Variants in PPP6C observed in about 807,000 individuals in gnomAD.
PPP6C encodes the protein serine/threonine-protein phosphatase 6 catalytic subunit.
In PPP6C, 11 loss-of-function variants were observed where a neutral mutation model predicts 39.8. That is an observed-to-expected ratio of 0.28 (90% confidence interval 0.17 to 0.46). PPP6C has a LOEUF of 0.46. PPP6C is among the 20% of genes least tolerant of loss of function. The pLI, the probability that PPP6C is intolerant of heterozygous loss-of-function variation, is 1.00. For missense variants in PPP6C, 211 were observed against 373.9 expected (o/e 0.56, Z 3.59); for synonymous variants, 129 against 130.3 (o/e 0.99, Z 0.07).
At position 125,148,280 on chromosome 9, in the gene PPP6C, T is replaced by C. The variant is rs1388488949; in HGVS notation, c.*1393A>G. On this transcript the variant is annotated 3_prime_UTR_variant, in exon 7 of 7. Transcript: ENST00000373547. ...TTTATTAATTGGCTGGCTTCACAAG[T>C]ATTTCCTGGAATAACAAAAATTAAT... 1.3e-5 allele frequency: 2 copies of C among 152,276 alleles called. No homozygotes were observed. Among genetic ancestry groups the C allele is most frequent in the Admixed American group, 1.3e-4 (2 of 15,284 alleles). 9.4% of individuals were successfully genotyped at this position (152,276 alleles called of 1,614,324 possible).
intron 1 of PPP6C, chr9:125,189,000 T>C (rs192292111): frequency 1.5e-6 from 2 of 1,351,018 alleles, no homozygotes; most frequent in East Asian, 5.1e-5. Flanking sequence ...GAGAACCAAC[T>C]ACTTTATCCA....
intron 2 of PPP6C, among the ~76,000 whole-genome samples, chr9:125,169,177 T>C (rs1385564304): frequency 6.6e-6 from 1 of 152,240 alleles, no homozygotes; most frequent in Non-Finnish European, 1.5e-5. Context: ...TGCCCTGTAG[T>C]AGCTGTGTGT....
At chr9:125,156,850 T>C (rs1267993509) in intron 4 of PPP6C, among the ~76,000 whole-genome samples, 1 of 151,846 alleles carries the variant, frequency 6.6e-6, no homozygotes, top group African/African-American at 2.4e-5. Flanking sequence ...TCTGGCTCAG[T>C]TGCCCAGGCT....
rs763588536 is a variant in PPP6C, at chr9:125,158,326, T to C, written c.294A>G (p.Ala98=). 6 of 1,612,782 alleles carry C rather than the reference T, an allele frequency of 3.7e-6. No individual in the cohort carries two copies. Among genetic ancestry groups the C allele is most frequent in the Non-Finnish European group, 5.1e-6 (6 of 1,178,818 alleles). ...TACGATCAGGCCATTTAGCCTTTAA[T>C]GCAAGAAGGTAAGTGAAGGTCTCCA... ...YSLETFTYLL[A]LKAKWPDRIT... Residue 98 remains alanine (A), a synonymous_variant, in exon 4 of 7, where the codon GCA becomes GCG. Transcript: ENST00000373547.
chr9:125,152,114 G>A (rs9644949), intron 6 of PPP6C, among the ~76,000 whole-genome samples: 1,945 of 152,160 alleles, frequency 0.013, 102 homozygotes, highest in Admixed American at 0.082. Flanking sequence ...TGGGGTAGGG[G>A]GTGGGGGGTG....
At position 125,148,152 on chromosome 9, in the gene PPP6C, T is replaced by C. The variant is rs1452397103; in HGVS notation, c.*1521A>G. 1 of 183,622 alleles carries C rather than the reference T, an allele frequency of 5.4e-6. No individual in the cohort carries two copies. Among genetic ancestry groups the C allele is most frequent in the African/African-American group, 2.4e-5 (1 of 41,570 alleles). 11.4% of individuals were successfully genotyped at this position (183,622 alleles called of 1,614,324 possible). A position where few individuals can be genotyped will look rare whatever the true frequency, so the allele number is the denominator to read the frequency against. On this transcript the variant is annotated 3_prime_UTR_variant, in exon 7 of 7. Transcript: ENST00000373547. ...GATGAAAAATTATATGCCAAGAAGCTTAGACTATAAAGATTTTTATTGCAT... is the reference window on the plus strand; with the variant it reads ...GATGAAAAATTATATGCCAAGAAGCCTAGACTATAAAGATTTTTATTGCAT...
chr9:125,186,777 T>A (rs1231993478), intron 1 of PPP6C, among the ~76,000 whole-genome samples: 1 of 151,256 alleles, frequency 6.6e-6, no homozygotes, highest in Non-Finnish European at 1.5e-5. Context: ...AGATTAAAAA[T>A]TTTTTTAAGA....
chr9:125,155,582 A>G (rs1407108938), intron 4 of PPP6C, among the ~76,000 whole-genome samples: 3 of 152,196 alleles, frequency 2.0e-5, no homozygotes, highest in Non-Finnish European at 4.4e-5. Flanking sequence ...TATAAGTCCT[A>G]TAATAACTAA....
chr9:125,170,460 A>T (rs1258721306), intron 2 of PPP6C, among the ~76,000 whole-genome samples: 2 of 151,966 alleles, frequency 1.3e-5, no homozygotes, highest in African/African-American at 4.8e-5. Flanking sequence ...GCTGGTCTCA[A>T]ACTCCTGACC....
At chr9:125,189,611 G>A (rs761762907) in intron 1 of PPP6C, 33 bp downstream of exon 1, 1 of 1,611,446 alleles carries the variant, frequency 6.2e-7, no homozygotes, top group South Asian at 1.1e-5. Context: ...GCGCCCCACA[G>A]CCGGAAGGGG....
At chr9:125,163,789 G>A (rs1388134440) in intron 2 of PPP6C, among the ~76,000 whole-genome samples, 4 of 151,646 alleles carry the variant, frequency 2.6e-5, no homozygotes, top group East Asian at 1.9e-4. Flanking sequence ...ACAGGTAGAC[G>A]ATTAAATATT....
At chr9:125,162,089 A>AT (rs1828888653) in intron 2 of PPP6C, among the ~76,000 whole-genome samples, 1 of 150,762 alleles carries the variant, frequency 6.6e-6, no homozygotes. Flanking sequence ...AAAAAGTCAG[A>AT]CAAAAAAAAA....
intron 2 of PPP6C, 29 bp downstream of exon 2, chr9:125,171,056 A>C: frequency 2.7e-6 from 4 of 1,471,480 alleles, no homozygotes; most frequent in Non-Finnish European, 3.7e-6. Context: ...GACAGTACAA[A>C]ACTTAAAAAT....
At chr9:125,176,856 T>A (rs1248839938) in intron 1 of PPP6C, among the ~76,000 whole-genome samples, 1 of 152,252 alleles carries the variant, frequency 6.6e-6, no homozygotes, top group African/African-American at 2.4e-5. Context: ...GAATGTAGCA[T>A]CTGCTAGATT....
chr9:125,176,337 T>C (rs1481912281), intron 1 of PPP6C, among the ~76,000 whole-genome samples: 1 of 152,162 alleles, frequency 6.6e-6, no homozygotes, highest in African/African-American at 2.4e-5. Flanking sequence ...AGCAGAAGAC[T>C]GACATGATAT....
intron 6 of PPP6C, among the ~76,000 whole-genome samples, chr9:125,152,751 A>G (rs922578004): frequency 4.6e-5 from 7 of 151,784 alleles, no homozygotes; most frequent in African/African-American, 1.5e-4. Context: ...AATCGCTTGA[A>G]TCCAGGAGGC....
At chr9:125,159,107 T>C (rs142827974) in intron 3 of PPP6C, among the ~76,000 whole-genome samples, 379 of 150,980 alleles carry the variant, frequency 2.5e-3, no homozygotes, top group Non-Finnish European at 4.3e-3. Flanking sequence ...GGCGTGATCT[T>C]GGCTCACTGC....
chr9:125,170,954 G>A (rs956390510), intron 2 of PPP6C, 131 bp downstream of exon 2: 4 of 539,858 alleles, frequency 7.4e-6, no homozygotes, highest in African/African-American at 3.9e-5. Flanking sequence ...GTGTCACAGA[G>A]ACTGAGGCAA....
intron 1 of PPP6C, among the ~76,000 whole-genome samples, chr9:125,188,242 A>G (rs904129828): frequency 2.0e-5 from 3 of 151,826 alleles, no homozygotes; most frequent in Non-Finnish European, 4.4e-5. Flanking sequence ...AAAATTAGCC[A>G]GGCGTGGTGG....
Sources: allele counts gnomAD v4.1 joint callset (sites outside exome capture counted in the v4.1 genomes callset), GRCh38; gene constraint gnomAD v4.1.1; transcripts MANE v1.5; gene names NCBI Gene and HGNC (gene_info 2026-07-23, HGNC 2026-07-21).